The following NRXN3 variants were observed in gnomAD, a reference collection of about 807,000 sequenced individuals.
NRXN3 encodes the protein neurexin 3, also known as neurexin III.
In NRXN3, 32 loss-of-function variants were observed where a neutral mutation model predicts 137.6. The ratio of observed to expected loss-of-function variants is 0.23; its 90% confidence interval spans 0.18 to 0.31. NRXN3 has a LOEUF of 0.31. Ranked by LOEUF, NRXN3 falls within the 10% of genes least tolerant of loss-of-function variation. The pLI, the probability that NRXN3 is intolerant of heterozygous loss-of-function variation, is 1.00. For synonymous variants in NRXN3, 798 were observed against 784.5 expected (o/e 1.02, Z -0.29); for missense variants, 1,574 against 2,062.5 (o/e 0.76, Z 4.59).
chr14:79,306,118 G>A (rs79040200), intron 15 of NRXN3, among the ~76,000 whole-genome samples: 16,335 of 152,136 alleles, frequency 0.11, 1,068 homozygotes, highest in Non-Finnish European at 0.14. Context: ...GACATTTGCA[G>A]TGCTGCAGAG....
intron 20 of NRXN3, among the ~76,000 whole-genome samples, chr14:79,832,473 G>A (rs563248461): frequency 1.3e-5 from 2 of 152,088 alleles, no homozygotes; most frequent in Non-Finnish European, 1.5e-5. Context: ...TTCTTTAAAC[G>A]GTGGTTCTAA....
At chr14:79,218,432 C>T (rs1009421112) in intron 15 of NRXN3, among the ~76,000 whole-genome samples, 1 of 152,126 alleles carries the variant, frequency 6.6e-6, no homozygotes, top group African/African-American at 2.4e-5. Flanking sequence ...CCTTTGAGCA[C>T]ATGAGTATTC....
At chr14:78,783,047 G>A (rs1307120460) in intron 8 of NRXN3, among the ~76,000 whole-genome samples, 1 of 152,150 alleles carries the variant, frequency 6.6e-6, no homozygotes, top group African/African-American at 2.4e-5. Context: ...GTGGATAAAA[G>A]TTTGAGGAGA....
At chr14:79,470,919 TGAGAGA>T (rs879935930) in intron 16 of NRXN3, among the ~76,000 whole-genome samples, 7 of 131,346 alleles carry the variant, frequency 5.3e-5, no homozygotes, top group South Asian at 4.8e-4. Context: ...TGTGTGTGTG[TGAGAGA>T]GAGAGAGAGA....
intron 15 of NRXN3, among the ~76,000 whole-genome samples, chr14:78,999,934 C>A (rs2099538050): frequency 6.6e-6 from 1 of 152,140 alleles, no homozygotes; most frequent in Non-Finnish European, 1.5e-5. Context: ...ATCATCAAAT[C>A]CCACAGTTTT....
intron 10 of NRXN3, among the ~76,000 whole-genome samples, chr14:78,823,691 CA>C (rs1480159510): frequency 1.3e-5 from 2 of 152,110 alleles, no homozygotes; most frequent in African/African-American, 4.8e-5. Context: ...TTGAGGTGAT[CA>C]GGGGTAAAGG....
At chr14:79,263,423 T>C (rs1345621135) in intron 15 of NRXN3, among the ~76,000 whole-genome samples, 2 of 152,296 alleles carry the variant, frequency 1.3e-5, no homozygotes, top group Middle Eastern at 3.4e-3. Context: ...GGGGAAAACA[T>C]GTTTTGGTAC....
intron 15 of NRXN3, among the ~76,000 whole-genome samples, chr14:79,104,092 C>T (rs963540292): frequency 1.1e-4 from 16 of 152,174 alleles, no homozygotes; most frequent in Non-Finnish European, 1.6e-4. Context: ...TCATCTGAAA[C>T]GTTTTTGTTA....
intron 15 of NRXN3, among the ~76,000 whole-genome samples, chr14:79,410,131 A>G (rs1223842976): frequency 6.6e-6 from 1 of 151,866 alleles, no homozygotes; most frequent in Non-Finnish European, 1.5e-5. Context: ...TACATTCAAT[A>G]TAATCTGTCT....
At chr14:79,432,719 CT>C (rs1191568701) in intron 15 of NRXN3, among the ~76,000 whole-genome samples, 1 of 152,044 alleles carries the variant, frequency 6.6e-6, no homozygotes, top group Non-Finnish European at 1.5e-5. Context: ...AAACTGTGAG[CT>C]TTTGTTTCAG....
At chr14:79,396,824 A>G (rs969364112) in intron 15 of NRXN3, among the ~76,000 whole-genome samples, 6 of 152,174 alleles carry the variant, frequency 3.9e-5, no homozygotes, top group African/African-American at 1.4e-4. Context: ...CAACTACTAC[A>G]TATCTGACCT....
At chr14:79,031,327 A>G (rs1158597601) in intron 15 of NRXN3, among the ~76,000 whole-genome samples, 1 of 152,212 alleles carries the variant, frequency 6.6e-6, no homozygotes, top group African/African-American at 2.4e-5. Context: ...ATGATTCATT[A>G]TAAAGCAATT....
chr14:78,976,363 C>A (rs1009778054), intron 14 of NRXN3, among the ~76,000 whole-genome samples: 5 of 152,042 alleles, frequency 3.3e-5, no homozygotes, highest in Non-Finnish European at 7.4e-5. Context: ...GTCAGGGGAT[C>A]CAGGATCCAT....
intron 15 of NRXN3, among the ~76,000 whole-genome samples, chr14:79,356,863 A>C (rs2093442019): frequency 6.6e-6 from 1 of 151,950 alleles, no homozygotes; most frequent in African/African-American, 2.4e-5. Flanking sequence ...GGAGTAGCTG[A>C]GACTACAGGT....
chr14:78,645,784 T>G (rs1332987967), intron 5 of NRXN3, among the ~76,000 whole-genome samples: 1 of 152,242 alleles, frequency 6.6e-6, no homozygotes, highest in Non-Finnish European at 1.5e-5. Flanking sequence ...CTGCATTTTG[T>G]TTCTGCAGCT....
At chr14:79,786,004 C>T (rs772030225) in intron 19 of NRXN3, among the ~76,000 whole-genome samples, 1 of 152,024 alleles carries the variant, frequency 6.6e-6, no homozygotes, top group Non-Finnish European at 1.5e-5. Flanking sequence ...CTGTCCCCAC[C>T]ATGAGGCAGA....
intron 19 of NRXN3, among the ~76,000 whole-genome samples, chr14:79,780,629 C>A (rs1212947454): frequency 1.3e-5 from 2 of 152,026 alleles, no homozygotes; most frequent in Admixed American, 6.6e-5. Flanking sequence ...AATAAATAAT[C>A]TTTACCTTGA....
At chr14:79,384,613 G>T in intron 15 of NRXN3, among the ~76,000 whole-genome samples, 1 of 152,112 alleles carries the variant, frequency 6.6e-6, no homozygotes. Flanking sequence ...CAAGGAAGGG[G>T]CTACATCTTT....
chr14:79,575,150 AGT>A (rs1422679472), intron 16 of NRXN3, among the ~76,000 whole-genome samples: 3 of 152,206 alleles, frequency 2.0e-5, no homozygotes, highest in Non-Finnish European at 2.9e-5. Context: ...CACTGGAATT[AGT>A]ATAGGCGGAA....
Sources: gnomAD v4.1 joint callset for allele counts (sites outside exome capture counted in the v4.1 genomes callset) on GRCh38, gnomAD v4.1.1 for gene constraint, MANE v1.5 for transcripts, NCBI Gene and HGNC (gene_info 2026-07-23, HGNC 2026-07-21) for gene names.